Variants in PIWIL1 observed in about 807,000 individuals in gnomAD.
The protein encoded by PIWIL1 is piwi-like protein 1.
A neutral mutation model predicts 114.4 loss-of-function variants in PIWIL1; 73 were observed. The observed-to-expected ratio is 0.64, with a 90% CI of 0.53 to 0.78. The LOEUF (loss-of-function observed/expected upper bound fraction) is 0.78, where lower values mean the gene tolerates loss of function less well. Ranked by LOEUF, PIWIL1 falls within the 30% of genes least tolerant of loss-of-function variation. The pLI is 0.00. For synonymous variants in PIWIL1, 375 were observed against 369.0 expected (o/e 1.02, Z -0.19); for missense variants, 723 against 1,063.1 (o/e 0.68, Z 4.45).
chr12:130,414,086 AG>A, the PIWIL1 span: 2 of 1,606,010 alleles, frequency 1.2e-6, no homozygotes, highest in African/African-American at 2.7e-5. Flanking sequence ...GACCCGCCTC[AG>A]GGGCTGATGA....
At chr12:130,354,449 T>C (rs2073305045) in intron 9 of PIWIL1, 88 bp from the exon 10 acceptor site, 1 of 1,551,290 alleles carries the variant, frequency 6.4e-7, no homozygotes, top group Non-Finnish European at 8.8e-7. Flanking sequence ...CAGCTCTTTA[T>C]TTTTTTAAAA....
intron 1 of PIWIL1, among the ~76,000 whole-genome samples, chr12:130,340,239 G>C (rs1332375100): frequency 6.6e-6 from 1 of 152,048 alleles, no homozygotes; most frequent in Non-Finnish European, 1.5e-5. Flanking sequence ...GGTGAGTCAC[G>C]GAATTGATAG....
the PIWIL1 span, among the ~76,000 whole-genome samples, chr12:130,386,252 G>A: frequency 6.6e-6 from 1 of 152,048 alleles, no homozygotes; most frequent in Non-Finnish European, 1.5e-5. Flanking sequence ...TGTTTTACAA[G>A]AGTTTATCAT....
intron 14 of PIWIL1, among the ~76,000 whole-genome samples, chr12:130,359,077 C>G (rs780746350): frequency 6.6e-6 from 1 of 152,168 alleles, no homozygotes; most frequent in African/African-American, 2.4e-5. Context: ...TAACACTCCT[C>G]CCACCCCTGA....
At chr12:130,380,659 T>A in the PIWIL1 span, among the ~76,000 whole-genome samples, 1 of 152,262 alleles carries the variant, frequency 6.6e-6, no homozygotes, top group Non-Finnish European at 1.5e-5. Context: ...ATAGCTTTTT[T>A]ATACTTGTCC....
At chr12:130,375,897 A>G (rs1033823196), downstream of PIWIL1, among the ~76,000 whole-genome samples, 1 of 152,032 alleles carries the variant, frequency 6.6e-6, no homozygotes, top group African/African-American at 2.4e-5. Context: ...TCCTGGAAAC[A>G]TGCTCTGCCT....
the PIWIL1 span, chr12:130,414,579 G>A: frequency 3.4e-6 from 1 of 294,870 alleles, no homozygotes; most frequent in Admixed American, 4.7e-5. Context: ...GAGAGCACAG[G>A]CTGGGGCAGG....
chr12:130,373,618 G>C (rs1280008288), downstream of PIWIL1, among the ~76,000 whole-genome samples: 3 of 152,136 alleles, frequency 2.0e-5, no homozygotes, highest in Admixed American at 2.0e-4. Context: ...ACACAGACTG[G>C]GTTCCAAACT....
chr12:130,396,505 A>G, the PIWIL1 span: 6 of 152,640 alleles, frequency 3.9e-5, no homozygotes, highest in African/African-American at 1.4e-4. Flanking sequence ...AGCAGATTTA[A>G]ATTGAGTCTG....
chr12:130,396,276 G>A, the PIWIL1 span: 7 of 152,628 alleles, frequency 4.6e-5, no homozygotes, highest in South Asian at 2.1e-4. Flanking sequence ...TTATAATAGC[G>A]TTTTTGAAGA....
intron 12 of PIWIL1, among the ~76,000 whole-genome samples, chr12:130,356,278 C>A (rs1281171648): frequency 3.3e-5 from 5 of 150,986 alleles, no homozygotes; most frequent in Non-Finnish European, 7.4e-5. Context: ...AAAGTGCCAA[C>A]ATTTTCATTT....
At chr12:130,347,130 T>A (rs2073091302) in intron 6 of PIWIL1, 68 bp downstream of exon 6, 2 of 1,135,386 alleles carry the variant, frequency 1.8e-6, no homozygotes, top group Admixed American at 3.8e-5. Flanking sequence ...ATTGAACATC[T>A]GCATTCAGTT....
chr12:130,339,154 A>AG, intron 1 of PIWIL1, among the ~76,000 whole-genome samples: 1 of 152,094 alleles, frequency 6.6e-6, no homozygotes, highest in South Asian at 2.1e-4. Flanking sequence ...GGAACTCCGG[A>AG]GGACCCCAAG....
chr12:130,402,470 A>G, the PIWIL1 span, among the ~76,000 whole-genome samples: 6 of 152,046 alleles, frequency 3.9e-5, no homozygotes, highest in Non-Finnish European at 8.8e-5. Flanking sequence ...GGAGGGTTCC[A>G]TATAGCATGT....
the PIWIL1 span, among the ~76,000 whole-genome samples, chr12:130,404,947 AAAT>A: frequency 6.6e-6 from 1 of 152,228 alleles, no homozygotes; most frequent in Admixed American, 6.5e-5. Context: ...TATTATTAAA[AAAT>A]GATTTTTTTA....
At chr12:130,340,793 A>C (rs561941713) in intron 1 of PIWIL1, among the ~76,000 whole-genome samples, 6 of 152,162 alleles carry the variant, frequency 3.9e-5, no homozygotes, top group Admixed American at 6.5e-5. Context: ...CATGATGCGC[A>C]CATTATAAAA....
In PIWIL1 at chr12:130,363,026, A is replaced by G; in HGVS notation, c.2077A>G (p.Met693Val). The G allele has an allele frequency of 3.7e-6, 6 of 1,614,246 alleles. No individual in the cohort carries two copies. The highest frequency in any genetic ancestry group is 5.1e-6 in the Non-Finnish European group (6 of 1,180,044). ...GGCTTGGAATAGCTGCAATGAGTAC[A>G]TGCCCAGCCGGATCATCGTGTACCG... ...LRAWNSCNEY[M>V]PSRIIVYRDG... Residue 693 changes from methionine to valine, a missense_variant, in exon 18 of 21, where the codon ATG becomes GTG. Met to Val is a conservative substitution (Grantham distance 21). Transcript: ENST00000245255.
chr12:130,366,844 A>G (rs2073673458), intron 18 of PIWIL1, among the ~76,000 whole-genome samples: 1 of 152,170 alleles, frequency 6.6e-6, no homozygotes, highest in Non-Finnish European at 1.5e-5. Flanking sequence ...GACATGCTGG[A>G]TTTAACATTT....
At chr12:130,352,810 A>G (rs1376312154) in intron 9 of PIWIL1, among the ~76,000 whole-genome samples, 2 of 152,298 alleles carry the variant, frequency 1.3e-5, no homozygotes, top group East Asian at 1.9e-4. Flanking sequence ...GAGAGGACAC[A>G]TTTCTGAAAT....
Sources: allele counts gnomAD v4.1 joint callset (sites outside exome capture counted in the v4.1 genomes callset), GRCh38; gene constraint gnomAD v4.1.1; transcripts MANE v1.5; gene names NCBI Gene and HGNC (gene_info 2026-07-23, HGNC 2026-07-21).